RHOBTB1: variants seen among roughly 807,000 people sequenced by gnomAD.
RHOBTB1 encodes the protein rho-related BTB domain-containing protein 1.
In RHOBTB1, 40 loss-of-function variants were observed where a neutral mutation model predicts 71.6. The observed-to-expected ratio is 0.56, with a 90% CI of 0.43 to 0.73. The LOEUF is 0.73. Among genes scored for constraint, RHOBTB1 ranks in the 30% least tolerant of loss-of-function variants. RHOBTB1 has a pLI of 0.00. For missense variants in RHOBTB1, 797 were observed against 894.0 expected (o/e 0.89, Z 1.38); for synonymous variants, 319 against 334.9 (o/e 0.95, Z 0.52).
At chr10:60,901,791 G>A (rs540270537) in intron 4 of RHOBTB1, among the ~76,000 whole-genome samples, 5 of 152,300 alleles carry the variant, frequency 3.3e-5, no homozygotes, top group South Asian at 4.1e-4. Context: ...TAAAAGGAAC[G>A]CAGAACATAA....
intron 4 of RHOBTB1, among the ~76,000 whole-genome samples, chr10:60,899,475 G>A (rs888206403): frequency 6.6e-6 from 1 of 152,140 alleles, no homozygotes; most frequent in Non-Finnish European, 1.5e-5. Context: ...CTACATGGGA[G>A]GTCTCTGGGA....
intron 2 of RHOBTB1, among the ~76,000 whole-genome samples, chr10:60,939,893 C>A (rs910979539): frequency 6.6e-6 from 1 of 152,110 alleles, no homozygotes; most frequent in African/African-American, 2.4e-5. Flanking sequence ...TTAGAGATGC[C>A]ATGCTAATTC....
At chr10:60,883,022 C>T (rs2081396905) in intron 7 of RHOBTB1, among the ~76,000 whole-genome samples, 1 of 152,110 alleles carries the variant, frequency 6.6e-6, no homozygotes, top group African/African-American at 2.4e-5. Context: ...GATGAGGAAA[C>T]AGGTTTAGAG....
intron 6 of RHOBTB1, among the ~76,000 whole-genome samples, chr10:60,886,435 A>T (rs1327324315): frequency 6.6e-6 from 1 of 152,160 alleles, no homozygotes; most frequent in Non-Finnish European, 1.5e-5. Context: ...ACATCATCAC[A>T]CATAAAGTCA....
intron 7 of RHOBTB1, among the ~76,000 whole-genome samples, chr10:60,883,183 G>A (rs770519329): frequency 2.0e-5 from 3 of 152,174 alleles, no homozygotes; most frequent in Non-Finnish European, 4.4e-5. Flanking sequence ...CAGTGGCTTG[G>A]TTCCGTGGTC....
chr10:60,971,786 A>G (rs1183779014), intron 2 of RHOBTB1, among the ~76,000 whole-genome samples: 1 of 152,228 alleles, frequency 6.6e-6, no homozygotes, highest in Non-Finnish European at 1.5e-5. Flanking sequence ...AAATTTTGCA[A>G]TCTATCCATC....
At chr10:60,947,464 C>G (rs990847013), upstream of RHOBTB1, among the ~76,000 whole-genome samples, 2 of 152,150 alleles carry the variant, frequency 1.3e-5, no homozygotes, top group African/African-American at 4.8e-5. Flanking sequence ...TCTCATACTA[C>G]CTCTTCATAT....
chr10:60,918,635 G>C (rs2083394878), intron 2 of RHOBTB1, among the ~76,000 whole-genome samples: 1 of 152,144 alleles, frequency 6.6e-6, no homozygotes, highest in Non-Finnish European at 1.5e-5. Flanking sequence ...ACTTGTCTAA[G>C]AAACCCCACT....
the RHOBTB1 span, among the ~76,000 whole-genome samples, chr10:60,862,159 CCTCT>C: frequency 2.7e-5 from 4 of 148,626 alleles, no homozygotes; most frequent in Admixed American, 6.8e-5. Context: ...CTTTTTCTTT[CCTCT>C]CTCTCTTTCT....
At chr10:60,924,057 G>T (rs1179541711) in intron 2 of RHOBTB1, among the ~76,000 whole-genome samples, 1 of 152,138 alleles carries the variant, frequency 6.6e-6, no homozygotes, top group Non-Finnish European at 1.5e-5. Context: ...GCAGGGAAAA[G>T]CAAGGAGGAG....
intron 1 of RHOBTB1, among the ~76,000 whole-genome samples, chr10:60,998,110 T>C (rs933340062): frequency 3.9e-5 from 6 of 152,210 alleles, no homozygotes; most frequent in East Asian, 1.9e-4. Context: ...CTAGGTGCAG[T>C]GTGTCCATTT....
chr10:60,996,895 G>A (rs2087070442), intron 1 of RHOBTB1, among the ~76,000 whole-genome samples: 2 of 152,116 alleles, frequency 1.3e-5, no homozygotes, highest in African/African-American at 2.4e-5. Flanking sequence ...TCTCTCAGCT[G>A]TACAGAATGT....
intron 7 of RHOBTB1, among the ~76,000 whole-genome samples, chr10:60,882,141 C>T (rs1254019247): frequency 6.6e-6 from 1 of 151,226 alleles, no homozygotes; most frequent in Non-Finnish European, 1.5e-5. Flanking sequence ...ATAAGCAAAG[C>T]TTCATAAATA....
At chr10:60,978,530 G>A (rs1343398548) in intron 2 of RHOBTB1, among the ~76,000 whole-genome samples, 6 of 152,222 alleles carry the variant, frequency 3.9e-5, no homozygotes, top group Middle Eastern at 6.8e-3. Context: ...GGGTCTCTGC[G>A]TATTGTATCA....
At chr10:60,964,913 C>A (rs1367626330) in intron 2 of RHOBTB1, among the ~76,000 whole-genome samples, 3 of 151,994 alleles carry the variant, frequency 2.0e-5, no homozygotes, top group Admixed American at 2.0e-4. Context: ...ACCTTATAGG[C>A]AGAAATTAAT....
At chr10:60,877,412 G>A (rs963218420) in intron 8 of RHOBTB1, among the ~76,000 whole-genome samples, 3 of 152,136 alleles carry the variant, frequency 2.0e-5, no homozygotes, top group Admixed American at 2.0e-4. Context: ...TTTAAAGAGC[G>A]AGAAAGCTGA....
At chr10:60,864,969 G>A (rs2080630485), downstream of RHOBTB1, among the ~76,000 whole-genome samples, 2 of 152,172 alleles carry the variant, frequency 1.3e-5, no homozygotes, top group African/African-American at 4.8e-5. Flanking sequence ...GGGATTACAG[G>A]CTTTAGCCAC....
chr10:60,968,113 GC>G (rs1331607901), intron 2 of RHOBTB1, among the ~76,000 whole-genome samples: 1 of 152,070 alleles, frequency 6.6e-6, no homozygotes, highest in African/African-American at 2.4e-5. Context: ...AGTGCCCCAT[GC>G]TTTTCTCTCC....
chr10:60,887,920 G>C (rs1396907686), intron 6 of RHOBTB1, among the ~76,000 whole-genome samples: 8 of 152,162 alleles, frequency 5.3e-5, no homozygotes, highest in Non-Finnish European at 7.4e-5. Context: ...ATACCCACAA[G>C]AGCATGGGTT....
Sources: gnomAD v4.1 joint callset for allele counts (sites outside exome capture counted in the v4.1 genomes callset) on GRCh38, gnomAD v4.1.1 for gene constraint, MANE v1.5 for transcripts, NCBI Gene and HGNC (gene_info 2026-07-23, HGNC 2026-07-21) for gene names.